The following SCAP variants were observed in gnomAD, a reference collection of about 807,000 sequenced individuals.
The protein encoded by SCAP is SREBF chaperone.
SCAP carries 65 observed loss-of-function variants against 123.6 expected under a neutral mutation model. The ratio of observed to expected loss-of-function variants is 0.53; its 90% CI spans 0.43 to 0.65. SCAP has a LOEUF of 0.65. SCAP is among the 30% of genes least tolerant of loss of function. The pLI is 0.00. For synonymous variants in SCAP, 740 were observed against 726.3 expected (o/e 1.02, Z -0.30); for missense variants, 1,398 against 1,712.5 (o/e 0.82, Z 3.24).
chr3:47,470,852 G>C (rs1437906925), intron 1 of SCAP, among the ~76,000 whole-genome samples: 2 of 152,020 alleles, frequency 1.3e-5, no homozygotes, highest in Non-Finnish European at 2.9e-5. Flanking sequence ...ACAAGAGCAA[G>C]ACTCTGTTTC....
At chr3:47,466,687 T>A (rs763324640) in intron 1 of SCAP, among the ~76,000 whole-genome samples, 1 of 152,072 alleles carries the variant, frequency 6.6e-6, no homozygotes, top group Non-Finnish European at 1.5e-5. Flanking sequence ...GTAAAGCCCT[T>A]AGAAGAAAAT....
chr3:47,414,425 T>G, intron 21 of SCAP, 39 bp from the exon 22 acceptor site: 1 of 1,608,446 alleles, frequency 6.2e-7, no homozygotes, highest in Non-Finnish European at 8.5e-7. Flanking sequence ...CACCATGGTG[T>G]AATACCTCTG....
In SCAP at chr3:47,413,806, C is replaced by T. The variant is rs571443802; in HGVS notation, c.*48G>A. On this transcript the variant is annotated 3_prime_UTR_variant, in exon 23 of 23. Transcript: ENST00000265565. The stretch of plus-strand genomic sequence containing the variant: ...CCCAAGTCCAGGTTCAGTGCATTGG[C>T]CCCCACACAGCACCCCAGCCTCCTG... The T allele has an allele frequency of 7.2e-5, 114 of 1,591,510 alleles. No individual in the cohort carries two copies. The highest frequency in any genetic ancestry group is 9.5e-5 in the Non-Finnish European group (111 of 1,167,642).
chr3:47,414,315 G>C lies in SCAP; in HGVS notation c.3459C>G (p.Val1153=), dbSNP rs1360205955. The C allele has an allele frequency of 6.2e-7, 1 of 1,613,162 alleles. No homozygotes were observed. Among genetic ancestry groups the C allele is most frequent in the Non-Finnish European group, 8.5e-7 (1 of 1,180,024 alleles). ...CLWDVLTGSR[V]SHVFAHRGDV... ...CCCCACGGTGAGCAAACACATGGCT[G>C]ACCCGGCTGCCAGTCAGTACATCCC... The change falls in exon 22 of 23, where the codon GTC becomes GTG. Residue 1153 remains valine (V), a synonymous_variant. Coordinates refer to ENST00000265565, the MANE Select transcript of SCAP (RefSeq NM_012235.4).
chr3:47,439,788 C>A lies in SCAP; in HGVS notation c.122+3084G>T, dbSNP rs1420171967. 6.6e-6 allele frequency among the ~76,000 whole-genome samples: 1 copy of A among 152,242 alleles called. No homozygotes were observed. The highest frequency in any genetic ancestry group is 2.4e-5 in the African/African-American group (1 of 41,462). ...GCACCCAGGGGCCAGGCAGGAAGAA[C>A]AGCTAACTCTAGCTCACCTGCAAGG... is the stretch of plus-strand genomic sequence containing the variant. On this transcript the variant is annotated intron_variant, in intron 2 of 22. Coordinates refer to ENST00000265565, the MANE Select transcript of SCAP (RefSeq NM_012235.4). The surrounding 1 kb of genome is among the most constrained non-coding windows in gnomAD (Gnocchi z 4.0).
At chr3:47,448,754 T>C (rs1201210140) in intron 1 of SCAP, among the ~76,000 whole-genome samples, 1 of 152,334 alleles carries the variant, frequency 6.6e-6, no homozygotes, top group East Asian at 1.9e-4. Flanking sequence ...CCCTTACTTG[T>C]TATAGCAAGG....
Position 47,468,203 on chromosome 3 carries a change from A to G in SCAP, c.-99+7596T>C, listed in dbSNP as rs561350544. ...ATACGTGTGCATGTGCCTTTATAGC[A>G]GCATGATTTATAATCCTTTGGGTAT... On this transcript the variant is annotated intron_variant, in intron 1 of 22. Transcript: ENST00000265565. Among the ~76,000 whole-genome samples, 438 of 152,306 alleles carry G rather than the reference A, an allele frequency of 2.9e-3. 1 individual carries two copies. Among genetic ancestry groups the G allele is most frequent in the Middle Eastern group, 0.01 (3 of 294 alleles).
chr3:47,455,571 G>C (rs1047877742), intron 1 of SCAP, among the ~76,000 whole-genome samples: 2 of 145,662 alleles, frequency 1.4e-5, no homozygotes, highest in African/African-American at 5.1e-5. Context: ...CTCCAGCCTG[G>C]GTGACAGAGC....
rs764504264 is a variant in SCAP at position 47,442,940 on chromosome 3, A to G, written c.54T>C (p.His18=). Residue 18 remains histidine, a synonymous_variant, in exon 2 of 23, where the codon CAT becomes CAC. Coordinates refer to ENST00000265565, the MANE Select transcript of SCAP (RefSeq NM_012235.4). The part of the protein sequence containing the change: ...REKISRAFYN[H]GLLCASYPIP... ...TGGGATAGGATGCACAGAGGAGCCC[A>G]TGGTTGTAGAAGGCCCGAGATATCT... is the stretch of plus-strand genomic sequence containing the variant. 1.2e-6 allele frequency: 2 copies of G among 1,614,054 alleles called. No individual in the cohort carries two copies. Among genetic ancestry groups the G allele is most frequent in the East Asian group, 2.2e-5 (1 of 44,896 alleles).
intron 1 of SCAP, among the ~76,000 whole-genome samples, chr3:47,473,099 A>AAAAAAAAAAAAAAAAAAAC (rs1559576281): frequency 1.4e-5 from 2 of 148,112 alleles, no homozygotes; most frequent in African/African-American, 2.5e-5. Flanking sequence ...AAAAAAAAAA[A>AAAAAAAAAAAAAAAAAAAC]CAGACTGTGG....
intron 1 of SCAP, among the ~76,000 whole-genome samples, chr3:47,468,937 T>C (rs551337421): frequency 2.6e-4 from 40 of 152,246 alleles, no homozygotes; most frequent in Non-Finnish European, 4.4e-4. Context: ...TTTCTACATA[T>C]GGCTCCTGGA....
At chr3:47,462,708 G>A (rs1412548424) in intron 1 of SCAP, among the ~76,000 whole-genome samples, 6 of 145,778 alleles carry the variant, frequency 4.1e-5, no homozygotes, top group Non-Finnish European at 7.4e-5. Context: ...AGCCAAGATC[G>A]CGCCATTGCA....
intron 1 of SCAP, among the ~76,000 whole-genome samples, chr3:47,475,034 C>T (rs1460409333): frequency 6.6e-6 from 1 of 152,178 alleles, no homozygotes; most frequent in Non-Finnish European, 1.5e-5. Context: ...GGCCGCTTCA[C>T]GATAAGTATT....
At chr3:47,466,237 A>G (rs1707826410) in intron 1 of SCAP, among the ~76,000 whole-genome samples, 1 of 152,168 alleles carries the variant, frequency 6.6e-6, no homozygotes, top group African/African-American at 2.4e-5. Flanking sequence ...AAAAACAAGA[A>G]CTAAGTTGAG....
intron 1 of SCAP, among the ~76,000 whole-genome samples, chr3:47,467,540 G>A (rs1707869837): frequency 6.6e-6 from 1 of 151,952 alleles, no homozygotes; most frequent in Non-Finnish European, 1.5e-5. Flanking sequence ...AGAGGCTTGA[G>A]GCTGCAGTCA....
chr3:47,425,347 G>GTA (rs1272306655), intron 8 of SCAP, 138 bp downstream of exon 8: 2 of 889,914 alleles, frequency 2.2e-6, no homozygotes, highest in African/African-American at 3.4e-5. Flanking sequence ...GGAAGAAAAT[G>GTA]TACCTCTTAA....
At chr3:47,424,951 A>G (rs1381815560) in intron 8 of SCAP, among the ~76,000 whole-genome samples, 2 of 152,184 alleles carry the variant, frequency 1.3e-5, no homozygotes, top group Admixed American at 1.3e-4. Flanking sequence ...TGGCAAGGGG[A>G]AAGTAAACAT....
At chr3:47,459,550 T>A (rs796469858) in intron 1 of SCAP, among the ~76,000 whole-genome samples, 1 of 152,094 alleles carries the variant, frequency 6.6e-6, no homozygotes, top group Non-Finnish European at 1.5e-5. Flanking sequence ...TGACATCACA[T>A]ATGAGTAGGA....
At chr3:47,455,289 A>C (rs1188515344) in intron 1 of SCAP, among the ~76,000 whole-genome samples, 1 of 151,706 alleles carries the variant, frequency 6.6e-6, no homozygotes, top group Non-Finnish European at 1.5e-5. Context: ...TTAAAAAGAA[A>C]TGTAAGAAAT....
Sources: allele counts gnomAD v4.1 joint callset (sites outside exome capture counted in the v4.1 genomes callset), GRCh38; gene constraint gnomAD v4.1.1; non-coding constraint Gnocchi (gnomAD v3.1); transcripts MANE v1.5; gene names NCBI Gene and HGNC (gene_info 2026-07-23, HGNC 2026-07-21).